The following CMIP variants were observed in gnomAD, a reference collection of about 807,000 sequenced individuals.
CMIP encodes C-Maf-inducing protein.
In CMIP, 13 loss-of-function variants were observed where a neutral mutation model predicts 97.3. The observed-to-expected ratio is 0.13, with a 90% CI of 0.09 to 0.21. CMIP has a LOEUF of 0.21. Among genes scored for constraint, CMIP ranks in the 10% least tolerant of loss-of-function variants. The pLI is 1.00. For missense variants in CMIP, 847 were observed against 1,024.9 expected (o/e 0.83, Z 2.37); for synonymous variants, 538 against 436.3 (o/e 1.23, Z -2.91).
Position 81,678,515 on chromosome 16 carries a change from G to A in CMIP, c.1275G>A (p.Glu425=), listed in dbSNP as rs1222196001. Residue 425 remains glutamate, a synonymous_variant, in exon 10 of 21, where the codon GAG becomes GAA. Coordinates refer to ENST00000537098, the MANE Select transcript of CMIP (RefSeq NM_198390.3). ...ALTASAGNDS[E]PNLIDCLMVS... ...CGGCCAGCGCAGGCAACGACAGCGA[G>A]CCCAACCTCATCGACTGCCTCATGG... 5 of 1,603,824 alleles carry A rather than the reference G, an allele frequency of 3.1e-6. No individual in the cohort carries two copies. Among genetic ancestry groups the A allele is most frequent in the Non-Finnish European group, 2.6e-6 (3 of 1,176,070 alleles).
chr16:81,629,947 T>A (rs2092131399), intron 3 of CMIP, among the ~76,000 whole-genome samples: 1 of 152,336 alleles, frequency 6.6e-6, no homozygotes, highest in East Asian at 1.9e-4. Flanking sequence ...TTTCTAGAAG[T>A]GGTTACTGGG....
intron 10 of CMIP, among the ~76,000 whole-genome samples, chr16:81,687,095 C>T (rs995357196): frequency 6.6e-6 from 1 of 152,226 alleles, no homozygotes; most frequent in Non-Finnish European, 1.5e-5. Flanking sequence ...TTGCTAGTCC[C>T]CCAGATGGAG....
intron 17 of CMIP, 95 bp downstream of exon 17, chr16:81,702,764 A>G: frequency 9.1e-7 from 1 of 1,097,836 alleles, no homozygotes; most frequent in South Asian, 1.3e-5. Flanking sequence ...CTGAGATGGG[A>G]GGTGATGGAG....
Position 81,678,372 on chromosome 16 carries a change from C to G in CMIP, c.1132C>G (p.Pro378Ala), listed in dbSNP as rs747957642. The G allele has an allele frequency of 9.9e-6, 16 of 1,612,622 alleles. No homozygotes were observed. Among genetic ancestry groups the G allele is most frequent in the African/African-American group, 1.3e-5 (1 of 74,888 alleles). The part of the protein sequence containing the change: ...TLPLRLLHPS[P>A]DLVSQEATLS... ...ACCTCTGCGCCTTCTGCACCCCAGC[C>G]CGGACCTGGTGTCTCAGGAAGCCAC... Residue 378 changes from proline (P) to alanine (A), a missense_variant, in exon 10 of 21, where the codon CCG becomes GCG. By Grantham distance (27) the Pro-to-Ala change is conservative (BLOSUM62 -1). This residue lies in a region of CMIP where 202 missense variants were observed against 168.7 expected (regional missense o/e 1.20). Coordinates refer to ENST00000537098, the MANE Select transcript of CMIP (RefSeq NM_198390.3).
chr16:81,546,769 T>A (rs1240849841), intron 1 of CMIP, among the ~76,000 whole-genome samples: 1 of 152,170 alleles, frequency 6.6e-6, no homozygotes, highest in Admixed American at 6.5e-5. Flanking sequence ...TAGACATCCC[T>A]CTAGACCTGT....
rs546650571 is a variant in CMIP, at chr16:81,694,194, G to A, written c.1530+707G>A. Among the ~76,000 whole-genome samples, 5 of 152,328 alleles carry A rather than the reference G, an allele frequency of 3.3e-5. No homozygotes were observed. The East Asian group carries it at 5.8e-4, about 18-fold the overall frequency. ...GGTCCACGACTGAGGCAAGATTCGA[G>A]CCTGGTGCTGATAACCATCTCACTG... On this transcript the variant is annotated intron_variant, in intron 13 of 20. Transcript: ENST00000537098.
At chr16:81,522,184 C>T (rs1476347365) in intron 1 of CMIP, among the ~76,000 whole-genome samples, 1 of 152,164 alleles carries the variant, frequency 6.6e-6, no homozygotes, top group Non-Finnish European at 1.5e-5. Flanking sequence ...CACCGATTCG[C>T]CCACGATGAT....
chr16:81,480,514 TGGGC>T, intron 1 of CMIP, among the ~76,000 whole-genome samples: 1 of 152,222 alleles, frequency 6.6e-6, no homozygotes, highest in African/African-American at 2.4e-5. Flanking sequence ...CACTTCAGCC[TGGGC>T]GACAGAGTGA....
intron 1 of CMIP, among the ~76,000 whole-genome samples, chr16:81,470,526 C>T (rs1291035279): frequency 6.6e-6 from 1 of 152,246 alleles, no homozygotes; most frequent in East Asian, 1.9e-4. Context: ...TGGATCTGAG[C>T]AGGCGCTGCT....
chr16:81,709,659 A>C lies in CMIP; in HGVS notation c.2269-87A>C, dbSNP rs1908540871. ...TGGGGAGAGGGTGGCAGAGACCCCC[A>C]GCCGGCAATGCGGGTGGAGCCAGGC... On this transcript the variant is annotated intron_variant, in intron 20 of 20. Coordinates refer to ENST00000537098, the MANE Select transcript of CMIP (RefSeq NM_198390.3). The C allele has an allele frequency of 3.4e-6, 5 of 1,479,852 alleles. No individual in the cohort carries two copies. The Admixed American group carries it at 7.2e-5, about 21-fold the overall frequency. 91.7% of individuals were successfully genotyped at this position (1,479,852 alleles called of 1,614,324 possible).
At chr16:81,468,161 A>G (rs1481576339) in intron 1 of CMIP, among the ~76,000 whole-genome samples, 1 of 152,178 alleles carries the variant, frequency 6.6e-6, no homozygotes, top group Non-Finnish European at 1.5e-5. Context: ...TTGGAGCCCA[A>G]GATAATGAGC....
At chr16:81,667,789 A>AGTGTGT (rs2092621740) in intron 7 of CMIP, among the ~76,000 whole-genome samples, 6 of 109,468 alleles carry the variant, frequency 5.5e-5, no homozygotes, top group East Asian at 1.0e-3. Context: ...AGAGAGAGAG[A>AGTGTGT]GAGAGAGAGA....
intron 1 of CMIP, among the ~76,000 whole-genome samples, chr16:81,470,839 A>G (rs1393030935): frequency 3.3e-5 from 5 of 152,268 alleles, no homozygotes; most frequent in African/African-American, 4.8e-5. Context: ...TGACTTCCTC[A>G]TGTGATCTCT....
At chr16:81,593,055 A>G (rs1404655590) in intron 1 of CMIP, among the ~76,000 whole-genome samples, 1 of 152,186 alleles carries the variant, frequency 6.6e-6, no homozygotes, top group African/African-American at 2.4e-5. Flanking sequence ...AGGGGTTTGA[A>G]TGTGGAAATA....
Position 81,445,175 on chromosome 16 carries a change from C to T in CMIP, c.-67C>T. The stretch of plus-strand genomic sequence containing the variant: ...GGGTGCGGGCCGCCGGATCCGGGGG[C>T]CCCGCCGCCCCAGCAGCCCAGGACA... On this transcript the variant is annotated 5_prime_UTR_variant, in exon 1 of 21. Transcript: ENST00000537098. The T allele has an allele frequency of 9.3e-7, 1 of 1,070,674 alleles. No homozygotes were observed. The highest frequency in any genetic ancestry group is 3.2e-5 in the East Asian group (1 of 30,880). The allele number at this position is 1,070,674 out of a possible 1,614,324, so 66.3% of individuals were successfully genotyped here. A position where few individuals can be genotyped will look rare whatever the true frequency, so the allele number is the denominator to read the frequency against.
At chr16:81,644,899 C>G (rs955503701) in intron 3 of CMIP, among the ~76,000 whole-genome samples, 1 of 152,182 alleles carries the variant, frequency 6.6e-6, no homozygotes, top group African/African-American at 2.4e-5. Context: ...GAACGCAGTG[C>G]CACACACATA....
chr16:81,473,711 G>C (rs967031813), intron 1 of CMIP, among the ~76,000 whole-genome samples: 3 of 152,040 alleles, frequency 2.0e-5, no homozygotes, highest in African/African-American at 7.3e-5. Context: ...CTGCCTTTGG[G>C]GGACGCGGGG....
chr16:81,705,409 C>CCCCATCCCT, intron 18 of CMIP, 90 bp from the exon 19 acceptor site: 2 of 940,982 alleles, frequency 2.1e-6, no homozygotes, highest in Non-Finnish European at 3.3e-6. Flanking sequence ...CAGGCTCTGT[C>CCCCATCCCT]CCCATCCCTT....
At chr16:81,530,004 G>A (rs1050787565) in intron 1 of CMIP, among the ~76,000 whole-genome samples, 3 of 152,210 alleles carry the variant, frequency 2.0e-5, no homozygotes, top group East Asian at 1.9e-4. Context: ...ACGAGGGTCC[G>A]CATTAACAGT....
Sources: gnomAD v4.1 joint callset for allele counts (sites outside exome capture counted in the v4.1 genomes callset) on GRCh38, gnomAD v4.1.1 for gene constraint, gnomAD v4.1.1 regional missense constraint, MANE v1.5 for transcripts, NCBI Gene and HGNC (gene_info 2026-07-23, HGNC 2026-07-21) for gene names.